Variants in WDR27 observed in about 807,000 individuals in gnomAD.
WDR27 encodes WD repeat domain 27.
In WDR27, 100 loss-of-function variants were observed where a neutral mutation model predicts 114.4. The observed-to-expected ratio is 0.87, with a 90% CI of 0.74 to 1.03. WDR27 has a LOEUF of 1.03. WDR27 is among the 50% of genes least tolerant of loss of function. The pLI is 0.00. For missense variants in WDR27, 1,129 were observed against 1,092.9 expected, an observed-to-expected ratio of 1.03 and a Z score of -0.47; for synonymous variants, 449 against 423.1, an observed-to-expected ratio of 1.06 and a Z score of -0.75.
chr6:169,618,604 A>G (rs1199285965), intron 21 of WDR27, among the ~76,000 whole-genome samples: 1 of 124,730 alleles, frequency 8.0e-6, no homozygotes, highest in Non-Finnish European at 1.6e-5. Context: ...GATCATGTTA[A>G]TGGTGGTGCA....
At chr6:169,627,550 C>T (rs145072745) in intron 21 of WDR27, among the ~76,000 whole-genome samples, 148 of 152,240 alleles carry the variant, frequency 9.7e-4, no homozygotes, top group African/African-American at 3.4e-3. Context: ...CGTACTGGAG[C>T]GCCATTCACC....
At chr6:169,475,584 A>C (rs1310260821) in intron 25 of WDR27, among the ~76,000 whole-genome samples, 1 of 152,224 alleles carries the variant, frequency 6.6e-6, no homozygotes, top group Non-Finnish European at 1.5e-5. Context: ...ATTTAAATAG[A>C]AATCGTTTTA....
At chr6:169,671,779 C>G (rs1016535181) in intron 3 of WDR27, 4 of 153,116 alleles carry the variant, frequency 2.6e-5, no homozygotes, top group African/African-American at 9.6e-5. Context: ...CAATTCACAG[C>G]CACTCAGTCG....
At chr6:169,597,405 A>G (rs1807023423) in intron 23 of WDR27, among the ~76,000 whole-genome samples, 1 of 150,516 alleles carries the variant, frequency 6.6e-6, no homozygotes, top group Non-Finnish European at 1.5e-5. Context: ...TGCTATGTAT[A>G]TTACAAAAAA....
chr6:169,605,424 C>G (rs556686227), intron 22 of WDR27, among the ~76,000 whole-genome samples: 5 of 151,428 alleles, frequency 3.3e-5, no homozygotes, highest in Non-Finnish European at 7.4e-5. Flanking sequence ...GGTCTCAATA[C>G]GGAAAACTAT....
At chr6:169,529,108 A>G (rs1309850922) in intron 25 of WDR27, among the ~76,000 whole-genome samples, 1 of 152,232 alleles carries the variant, frequency 6.6e-6, no homozygotes, top group African/African-American at 2.4e-5. Flanking sequence ...TGAATCAGAT[A>G]AATTATGGTG....
intron 21 of WDR27, among the ~76,000 whole-genome samples, chr6:169,631,914 C>T (rs1216082277): frequency 1.3e-5 from 2 of 152,108 alleles, no homozygotes; most frequent in East Asian, 1.9e-4. Flanking sequence ...GGGCCAGGCA[C>T]GGTGGCTCAC....
intron 23 of WDR27, among the ~76,000 whole-genome samples, chr6:169,600,859 G>A (rs1351943744): frequency 6.6e-6 from 1 of 152,206 alleles, no homozygotes; most frequent in Non-Finnish European, 1.5e-5. Flanking sequence ...GAAAGTGACA[G>A]GGAGAATGGA....
intron 24 of WDR27, among the ~76,000 whole-genome samples, chr6:169,573,640 A>G (rs1374193697): frequency 6.6e-6 from 1 of 152,248 alleles, no homozygotes; most frequent in South Asian, 2.1e-4. Flanking sequence ...TGATTGCGAT[A>G]GTAATATAAA....
In WDR27 at chr6:169,659,171, T is replaced by A. The variant is rs751777141; in HGVS notation, c.1234A>T (p.Ile412Phe). The change falls in exon 12 of 26, where the codon ATT (isoleucine) becomes TTT (phenylalanine). Residue 412 changes from isoleucine (I) to phenylalanine (F), a missense_variant. Transcript: ENST00000448612. The surrounding 1 kb of genome is among the most constrained non-coding windows in gnomAD (Gnocchi z 4.3). ...CLLASLFGGK[I>F]AVLEINPAAL... ...GCCGGGTTGATCTCCAACACGGCAA[T>A]CTTCCCGCCAAAGAGGGAGGCCAGC... The A allele has an allele frequency of 6.8e-6, 11 of 1,610,594 alleles. No homozygotes were observed. In the South Asian group the frequency reaches 1.2e-4, roughly 18 times the overall value.
At chr6:169,456,835 C>T (rs1279375498), downstream of WDR27, among the ~76,000 whole-genome samples, 2 of 151,332 alleles carry the variant, frequency 1.3e-5, no homozygotes, top group East Asian at 2.0e-4. The surrounding 1 kb of genome is among the most constrained non-coding windows in gnomAD (Gnocchi z 4.0). Context: ...ACAGAACCCA[C>T]GGACACAGCC....
chr6:169,548,664 T>C (rs1205738671), intron 25 of WDR27, among the ~76,000 whole-genome samples: 1 of 152,106 alleles, frequency 6.6e-6, no homozygotes, highest in Non-Finnish European at 1.5e-5. Flanking sequence ...TATGAATCTA[T>C]AGTAATCAAG....
intron 21 of WDR27, among the ~76,000 whole-genome samples, chr6:169,614,229 C>T (rs1488702671): frequency 6.6e-6 from 1 of 152,192 alleles, no homozygotes; most frequent in Non-Finnish European, 1.5e-5. Context: ...TGACACAAAA[C>T]ATCACCTAAA....
rs568853463 is a variant in WDR27 at position 169,597,311 on chromosome 6, C to T, written c.2424+4908G>A. 5.9e-5 allele frequency among the ~76,000 whole-genome samples: 9 copies of T among 152,174 alleles called. No homozygotes were observed. In the South Asian group the frequency reaches 1.9e-3, roughly 32 times the overall value. ...TGTCTGCTAAGTCCAATACCTGGGT[C>T]ACCCATAGTATTGTTTCTATTATGT... On this transcript the variant is annotated intron_variant, in intron 23 of 25. Coordinates refer to ENST00000448612, the MANE Select transcript of WDR27 (RefSeq NM_182552.5).
intron 25 of WDR27, among the ~76,000 whole-genome samples, chr6:169,504,876 G>A (rs551465958): frequency 7.2e-5 from 11 of 152,222 alleles, no homozygotes; most frequent in African/African-American, 2.6e-4. Context: ...TGTGATTACA[G>A]GTATGATCTA....
At chr6:169,619,162 G>C (rs559208910) in intron 21 of WDR27, among the ~76,000 whole-genome samples, 1 of 152,294 alleles carries the variant, frequency 6.6e-6, no homozygotes, top group Admixed American at 6.5e-5. Flanking sequence ...GACATTTTAA[G>C]CAGTTTCCTA....
At chr6:169,632,403 T>G (rs1316052759) in intron 21 of WDR27, among the ~76,000 whole-genome samples, 1 of 152,206 alleles carries the variant, frequency 6.6e-6, no homozygotes, top group Non-Finnish European at 1.5e-5. Context: ...AAATACAGTT[T>G]TGTTCCCAAG....
chr6:169,579,003 T>G (rs111377350), intron 24 of WDR27, among the ~76,000 whole-genome samples: 2 of 152,180 alleles, frequency 1.3e-5, no homozygotes, highest in Non-Finnish European at 2.9e-5. Context: ...AGCCAGAGTC[T>G]GCCTCCTGGC....
chr6:169,576,198 C>G (rs966999054), intron 24 of WDR27, among the ~76,000 whole-genome samples: 1 of 152,214 alleles, frequency 6.6e-6, no homozygotes, highest in African/African-American at 2.4e-5. Flanking sequence ...TGTGTCCACC[C>G]ACCCTCAGGG....
Sources: allele counts gnomAD v4.1 joint callset (sites outside exome capture counted in the v4.1 genomes callset), GRCh38; gene constraint gnomAD v4.1.1; non-coding constraint Gnocchi (gnomAD v3.1); transcripts MANE v1.5; gene names NCBI Gene and HGNC (gene_info 2026-07-23, HGNC 2026-07-21).